The following ALG12 variants were observed in gnomAD, a reference collection of about 807,000 sequenced individuals.
ALG12 encodes the protein ALG12 alpha-1,6-mannosyltransferase.
A neutral mutation model predicts 46.0 loss-of-function variants in ALG12; 36 were observed. That is an observed-to-expected ratio of 0.78 (90% CI 0.60 to 1.03). ALG12 has a LOEUF of 1.03. Among genes scored for constraint, ALG12 ranks in the 50% least tolerant of loss-of-function variants. ALG12 has a pLI of 0.00. For synonymous variants in ALG12, 326 were observed against 291.6 expected, an observed-to-expected ratio of 1.12 and a Z score of -1.20; for missense variants, 599 against 633.5, an observed-to-expected ratio of 0.95 and a Z score of 0.58.
chr22:49,877,149 A>G, the ALG12 span, among the ~76,000 whole-genome samples: 1 of 152,200 alleles, frequency 6.6e-6, no homozygotes, highest in Non-Finnish European at 1.5e-5. Flanking sequence ...AAAAAGATTA[A>G]GCTATTTGTG....
chr22:49,896,122 G>A (rs1187036592), downstream of ALG12, among the ~76,000 whole-genome samples: 3 of 152,202 alleles, frequency 2.0e-5, no homozygotes, highest in Non-Finnish European at 4.4e-5. Context: ...TCTGTTAACA[G>A]ACCAGAGGAA....
At chr22:49,865,469 T>G in the ALG12 span, among the ~76,000 whole-genome samples, 3 of 151,480 alleles carry the variant, frequency 2.0e-5, no homozygotes, top group Non-Finnish European at 4.4e-5. Flanking sequence ...GCCAACATGG[T>G]GAAACCCCGT....
chr22:49,863,258 C>T, the ALG12 span, among the ~76,000 whole-genome samples: 2 of 152,042 alleles, frequency 1.3e-5, no homozygotes, highest in African/African-American at 4.8e-5. Flanking sequence ...CTCCCGGGCT[C>T]AAGTGATTTT....
rs1399349810 is a variant in ALG12 at position 49,903,592 on chromosome 22, C to CCAT, written c.*243_*245dup. ...CCCGCAGGAAGCCCTGAGCTGGCCA[C>CCAT]CATCACCCTGGGCAGTGGCTCCCGG... On this transcript the variant is annotated 3_prime_UTR_variant, in exon 10 of 10. Coordinates refer to ENST00000330817, the MANE Select transcript of ALG12 (RefSeq NM_024105.4). The CCAT allele has an allele frequency of 5.9e-6, 4 of 674,580 alleles. No homozygotes were observed. Among genetic ancestry groups the CCAT allele is most frequent in the Non-Finnish European group, 2.7e-6 (1 of 367,446 alleles). 41.8% of individuals were successfully genotyped at this position (674,580 alleles called of 1,614,324 possible).
At chr22:49,894,311 C>T in the ALG12 span, among the ~76,000 whole-genome samples, 3 of 152,174 alleles carry the variant, frequency 2.0e-5, no homozygotes, top group East Asian at 5.8e-4. Context: ...AGATGGGACA[C>T]ATAGGAAACA....
At chr22:49,913,884 G>A (rs1200605098) in intron 1 of ALG12, 41 bp from the exon 2 acceptor site, 21 of 1,370,174 alleles carry the variant, frequency 1.5e-5, no homozygotes, top group African/African-American at 2.8e-5. Context: ...CGAAAGTCAC[G>A]CTTGCGCTCA....
chr22:49,872,593 G>A, the ALG12 span, among the ~76,000 whole-genome samples: 1 of 152,228 alleles, frequency 6.6e-6, no homozygotes, highest in East Asian at 1.9e-4. Context: ...GCAGTGTCAC[G>A]ATCACAGCTC....
chr22:49,899,192 G>T (rs1658872325), downstream of ALG12, among the ~76,000 whole-genome samples: 1 of 152,210 alleles, frequency 6.6e-6, no homozygotes, highest in East Asian at 1.9e-4. Flanking sequence ...AATGATGCAG[G>T]CCGGGCACAG....
At chr22:49,862,537 G>A in the ALG12 span, among the ~76,000 whole-genome samples, 1 of 152,008 alleles carries the variant, frequency 6.6e-6, no homozygotes, top group Admixed American at 6.6e-5. Flanking sequence ...CTGGTGCTTG[G>A]GTCAAGAGGT....
At chr22:49,914,592 C>T (rs866377107) in intron 1 of ALG12, among the ~76,000 whole-genome samples, 4 of 152,294 alleles carry the variant, frequency 2.6e-5, no homozygotes, top group Middle Eastern at 3.4e-3. Context: ...AGCTGCTACA[C>T]GTGAGAGACC....
the ALG12 span, among the ~76,000 whole-genome samples, chr22:49,860,429 A>G: frequency 9.8e-5 from 15 of 152,362 alleles, no homozygotes; most frequent in Admixed American, 5.2e-4. Context: ...AAATGTGCAT[A>G]CAGTAGGTTG....
chr22:49,870,845 A>G, the ALG12 span, among the ~76,000 whole-genome samples: 2 of 151,994 alleles, frequency 1.3e-5, no homozygotes, highest in Non-Finnish European at 2.9e-5. Context: ...CCAGTTGTCA[A>G]TTTTTGTTTC....
At chr22:49,899,194 C>T (rs992108946), downstream of ALG12, among the ~76,000 whole-genome samples, 15 of 152,050 alleles carry the variant, frequency 9.9e-5, no homozygotes, top group South Asian at 2.1e-3. Flanking sequence ...TGATGCAGGC[C>T]GGGCACAGTG....
Position 49,903,781 on chromosome 22 carries a change from T to C in ALG12, c.*57A>G. 6.4e-7 allele frequency: 1 copy of C among 1,562,146 alleles called. No homozygotes were observed. The highest frequency in any genetic ancestry group is 8.8e-7 in the Non-Finnish European group (1 of 1,133,202). ...ATTGTGCTGGAATTGTGCCAGAAAC[T>C]GGTAGTGATAACAGCTCCTGGAAGG... On this transcript the variant is annotated 3_prime_UTR_variant, in exon 10 of 10. Transcript: ENST00000330817.
intron 3 of ALG12, among the ~76,000 whole-genome samples, chr22:49,912,061 G>GATCACCCTCGGCCCCGGA (rs1457391397): frequency 1.1e-3 from 129 of 119,108 alleles, no homozygotes; most frequent in Middle Eastern, 4.8e-3. Context: ...TCGGCCGCGG[G>GATCACCCTCGGCCCCGGA]ATCAGCCTGG....
chr22:49,882,814 A>G, the ALG12 span, among the ~76,000 whole-genome samples: 1 of 152,196 alleles, frequency 6.6e-6, no homozygotes, highest in Admixed American at 6.5e-5. Context: ...GTTTTCACCC[A>G]CAGGACGCCT....
the ALG12 span, among the ~76,000 whole-genome samples, chr22:49,874,354 A>G: frequency 2.7e-5 from 4 of 150,822 alleles, no homozygotes; most frequent in Non-Finnish European, 5.9e-5. Flanking sequence ...ACGTGCCCAT[A>G]TGGTTTTCCT....
At chr22:49,910,217 G>A in intron 4 of ALG12, 129 bp from the exon 5 acceptor site, 2 of 1,206,778 alleles carry the variant, frequency 1.7e-6, no homozygotes, top group Non-Finnish European at 1.2e-6. Context: ...AAAAGAAACT[G>A]CTCAGAGCCG....
the ALG12 span, chr22:49,886,458 C>G: frequency 1.3e-6 from 2 of 1,573,884 alleles, no homozygotes; most frequent in African/African-American, 2.7e-5. This position sits in a 1 kb window ranked among gnomAD's most constrained non-coding sequence, Gnocchi z 7.7. Flanking sequence ...TCATGCAGTC[C>G]GTGTGCCGTG....
Sources: allele counts gnomAD v4.1 joint callset (sites outside exome capture counted in the v4.1 genomes callset), GRCh38; gene constraint gnomAD v4.1.1; non-coding constraint Gnocchi (gnomAD v3.1); transcripts MANE v1.5; gene names NCBI Gene and HGNC (gene_info 2026-07-23, HGNC 2026-07-21).